Variants in UBXN2B observed in about 807,000 individuals in gnomAD.
The protein encoded by UBXN2B is UBX domain protein 2B, also known as UBX domain-containing protein 2B.
Under a neutral mutation model 37.5 loss-of-function variants are expected in UBXN2B, and 19 were observed. The ratio of observed to expected loss-of-function variants is 0.51; its 90% CI spans 0.35 to 0.74. UBXN2B has a LOEUF of 0.74. Among genes scored for constraint, UBXN2B ranks in the 30% least tolerant of loss-of-function variants. The pLI, the probability that UBXN2B is intolerant of heterozygous loss-of-function variation, is 0.01. For synonymous variants in UBXN2B, 145 were observed against 143.8 expected (o/e 1.01, Z -0.06); for missense variants, 370 against 393.2 (o/e 0.94, Z 0.50).
chr8:58,436,575 A>G (rs1006866139), intron 5 of UBXN2B, among the ~76,000 whole-genome samples: 20 of 152,184 alleles, frequency 1.3e-4, no homozygotes, highest in African/African-American at 4.8e-4. Context: ...TCATGTTGAA[A>G]TGTGACCTCC....
chr8:58,439,067 C>G (rs542557798), intron 5 of UBXN2B, among the ~76,000 whole-genome samples: 1 of 152,266 alleles, frequency 6.6e-6, no homozygotes, highest in South Asian at 2.1e-4. Flanking sequence ...GCTGGGTCCC[C>G]TTTTGCCTTC....
intron 2 of UBXN2B, among the ~76,000 whole-genome samples, chr8:58,424,042 G>A (rs1808006719): frequency 6.6e-6 from 1 of 151,810 alleles, no homozygotes; most frequent in Non-Finnish European, 1.5e-5. Context: ...ACAGTCTCAG[G>A]CCCTAGCTTA....
chr8:58,431,597 G>A (rs1277755493), intron 3 of UBXN2B, among the ~76,000 whole-genome samples: 4 of 152,118 alleles, frequency 2.6e-5, no homozygotes, highest in African/African-American at 9.7e-5. Context: ...AAGTGCAATT[G>A]GTAGATCATA....
chr8:58,417,931 A>G (rs749959614), intron 2 of UBXN2B, among the ~76,000 whole-genome samples: 10 of 152,116 alleles, frequency 6.6e-5, no homozygotes, highest in Non-Finnish European at 1.3e-4. Context: ...AAAATTGATA[A>G]CACCTTACAA....
At chr8:58,422,832 T>C (rs944205890) in intron 2 of UBXN2B, among the ~76,000 whole-genome samples, 2 of 152,240 alleles carry the variant, frequency 1.3e-5, no homozygotes, top group Non-Finnish European at 2.9e-5. Context: ...GAAGACCCTC[T>C]CTTTATTTCT....
At chr8:58,421,721 C>T (rs1325359461) in intron 2 of UBXN2B, among the ~76,000 whole-genome samples, 1 of 152,152 alleles carries the variant, frequency 6.6e-6, no homozygotes. Flanking sequence ...TGATTCCATC[C>T]CATGTAAAGT....
chr8:58,416,066 AC>A (rs1336875408), intron 1 of UBXN2B, among the ~76,000 whole-genome samples: 13 of 150,804 alleles, frequency 8.6e-5, no homozygotes, highest in African/African-American at 2.9e-4. Flanking sequence ...TTTGAAAAAA[AC>A]AAAAAAAAAA....
chr8:58,422,571 A>T (rs1340395833), intron 2 of UBXN2B, among the ~76,000 whole-genome samples: 1 of 152,270 alleles, frequency 6.6e-6, no homozygotes, highest in Non-Finnish European at 1.5e-5. Flanking sequence ...CCATTTGGCT[A>T]AAACAAAAAT....
intron 5 of UBXN2B, among the ~76,000 whole-genome samples, chr8:58,436,987 A>G (rs758641422): frequency 1.3e-5 from 2 of 152,228 alleles, no homozygotes; most frequent in Non-Finnish European, 2.9e-5. Flanking sequence ...CTAAAGATAC[A>G]TGAAGATGTG....
At chr8:58,425,858 A>T in intron 2 of UBXN2B, 1 of 1,154,166 alleles carries the variant, frequency 8.7e-7, no homozygotes, top group South Asian at 1.2e-5. Flanking sequence ...GCAAATCATA[A>T]CATGGGCCAC....
In UBXN2B at chr8:58,425,881, G is replaced by A. The variant is rs973621590; in HGVS notation, c.189-4638G>A. 6.3e-5 allele frequency: 73 copies of A among 1,167,758 alleles called. No individual in the cohort carries two copies. In the Admixed American group the frequency reaches 8.5e-4, roughly 14 times the overall value. The allele number at this position is 1,167,758 out of a possible 1,614,324, so 72.3% of individuals were successfully genotyped here. The stretch of plus-strand genomic sequence containing the variant: ...TAACATGGGCCACTTTAGACTTGCC[G>A]TTATTGTTCTCCCCTTTGTCATCAC... On this transcript the variant is annotated intron_variant, in intron 2 of 7. Transcript: ENST00000399598.
Position 58,431,902 on chromosome 8 carries a change from A to G in UBXN2B, c.339+1233A>G, listed in dbSNP as rs549910926. Among the ~76,000 whole-genome samples, 3 of 152,332 alleles carry G rather than the reference A, an allele frequency of 2.0e-5. No homozygotes were observed. In the East Asian group the frequency reaches 5.8e-4, roughly 29 times the overall value. On this transcript the variant is annotated intron_variant, in intron 3 of 7. Transcript: ENST00000399598. ...TCTGTATTATTCTTTTCAAGGAAAT[A>G]TCTCTTCATTACTTTCCCATTCTCT...
rs1412280739 is a variant in UBXN2B at position 58,451,363 on chromosome 8, CTTAAA to C, written c.*3815_*3819del. The C allele has an allele frequency of 4.6e-5, 7 of 152,158 alleles. No individual in the cohort carries two copies. Among genetic ancestry groups the C allele is most frequent in the African/African-American group, 7.2e-5 (3 of 41,424 alleles). The allele number at this position is 152,158 out of a possible 1,614,324, so 9.4% of individuals were successfully genotyped here. A position where few individuals can be genotyped will look rare whatever the true frequency, so the allele number is the denominator to read the frequency against. ...GAATTATTTTTACTACTGCAGTCAT[CTTAAA>C]TTTATAATCATCTCAAAAAAGATGT... On this transcript the variant is annotated 3_prime_UTR_variant, in exon 8 of 8. Transcript: ENST00000399598.
At chr8:58,428,657 G>A (rs541387339) in intron 2 of UBXN2B, among the ~76,000 whole-genome samples, 1 of 152,160 alleles carries the variant, frequency 6.6e-6, no homozygotes, top group East Asian at 1.9e-4. Flanking sequence ...GTTTGAATGA[G>A]TATAGAGAAT....
intron 2 of UBXN2B, among the ~76,000 whole-genome samples, chr8:58,429,304 C>G (rs75963467): frequency 2.9e-4 from 44 of 152,194 alleles, no homozygotes; most frequent in Admixed American, 2.3e-3. Flanking sequence ...TGTTTGTCGT[C>G]GCTCCCTAAA....
At chr8:58,434,354 T>A in intron 4 of UBXN2B, 41 bp from the exon 5 acceptor site, 1 of 485,644 alleles carries the variant, frequency 2.1e-6, no homozygotes, top group Non-Finnish European at 2.9e-6. Context: ...TGTGAATATA[T>A]ATATATATAT....
chr8:58,448,586 A>C lies in UBXN2B; in HGVS notation c.*1035A>C, dbSNP rs977053234. ...GATCACATTCATTTATTCATTCAAC[A>C]CATTTTTCTAGGAAACTCACTGTAT... On this transcript the variant is annotated 3_prime_UTR_variant, in exon 8 of 8. Coordinates refer to ENST00000399598, the MANE Select transcript of UBXN2B (RefSeq NM_001077619.2). 2.0e-5 allele frequency: 3 copies of C among 150,526 alleles called. No individual in the cohort carries two copies. Among genetic ancestry groups the C allele is most frequent in the African/African-American group, 7.4e-5 (3 of 40,720 alleles). 9.3% of individuals were successfully genotyped at this position (150,526 alleles called of 1,614,324 possible).
In UBXN2B at chr8:58,430,519, G is replaced by C; in HGVS notation, c.189G>C (p.Arg63=). ...VFKSPRTPPQ[R]FYSSEHEYSG... ...TATTCATGAACTAAAATGTTTAAAG[G>C]TTTTACTCAAGTGAACATGAATACA... The change falls in exon 3 of 8, where the codon CGG becomes CGC. Residue 63 remains arginine, a splice_region_variant and synonymous_variant. Transcript: ENST00000399598. 1 of 1,543,630 alleles carries C rather than the reference G, an allele frequency of 6.5e-7. No individual in the cohort carries two copies. The highest frequency in any genetic ancestry group is 2.4e-5 in the East Asian group (1 of 41,712).
At position 58,439,658 on chromosome 8, in the gene UBXN2B, C is replaced by T. The variant is rs1215691937; in HGVS notation, c.559C>T (p.Leu187Phe). Reference protein sequence around the residue: ...RGEIPLELQRLVHGGQVNLDM... With the variant: ...RGEIPLELQRFVHGGQVNLDM... ...AGAGATTCCCCTGGAGCTTCAGCGC[C>T]TTGTTCATGGTGGCCAAGTGAATTT... The change falls in exon 6 of 8, where the codon CTT becomes TTT. Residue 187 changes from leucine to phenylalanine, a missense_variant. By Grantham distance (22) the Leu-to-Phe change is conservative. This residue lies in a region of UBXN2B where 90 missense variants were observed against 139.4 expected (regional missense o/e 0.65). Transcript: ENST00000399598. The T allele has an allele frequency of 1.2e-6, 2 of 1,607,858 alleles. No individual in the cohort carries two copies. Among genetic ancestry groups the T allele is most frequent in the East Asian group, 2.2e-5 (1 of 44,696 alleles).
Sources: allele counts gnomAD v4.1 joint callset (sites outside exome capture counted in the v4.1 genomes callset), GRCh38; gene constraint gnomAD v4.1.1; regional missense constraint gnomAD v4.1.1; transcripts MANE v1.5; gene names NCBI Gene and HGNC (gene_info 2026-07-23, HGNC 2026-07-21).